PLEC: variants seen among roughly 807,000 people sequenced by gnomAD.
PLEC encodes the protein hemidesmosomal protein 1.
Under a neutral mutation model 392.8 loss-of-function variants are expected in PLEC, and 216 were observed. The observed-to-expected ratio is 0.55, with a 90% CI of 0.49 to 0.62. The LOEUF (loss-of-function observed/expected upper bound fraction) is 0.62, where lower values mean the gene tolerates loss of function less well. Among genes scored for constraint, PLEC ranks in the 20% least tolerant of loss-of-function variants. PLEC has a pLI of 0.00. For missense variants in PLEC, 6,863 were observed against 6,563.4 expected (o/e 1.05, Z -1.58); for synonymous variants, 3,621 against 2,980.6 (o/e 1.21, Z -7.00).
chr8:143,916,148 C>A lies in PLEC; in HGVS notation c.*29G>T. ...CCTCGGTGGGAGCCGGGCTGGGCCG[C>A]ATGCAGAGCGGGGTGGGCGCAGGCA... On this transcript the variant is annotated 3_prime_UTR_variant, in exon 32 of 32. Coordinates refer to ENST00000345136, the MANE Select transcript of PLEC (RefSeq NM_201384.3). 6.7e-7 allele frequency: 1 copy of A among 1,498,802 alleles called. No individual in the cohort carries two copies. The allele number at this position is 1,498,802 out of a possible 1,614,324, so 92.8% of individuals were successfully genotyped here.
At chr8:143,943,986 G>GGGGAGCGCCGGGACC (rs1831006880), upstream of PLEC, 1 of 1,531,874 alleles carries the variant, frequency 6.5e-7, no homozygotes, top group Non-Finnish European at 8.8e-7. Flanking sequence ...GGCGAGCGAG[G>GGGGAGCGCCGGGACC]GGGAGCGCCG....
chr8:143,937,595 G>A, intron 3 of PLEC: 1 of 507,706 alleles, frequency 2.0e-6, no homozygotes, highest in South Asian at 1.7e-5. Context: ...GCCAGCTCTG[G>A]GCAGCACGGT....
Position 143,918,872 on chromosome 8 carries a change from T to G in PLEC, c.10949A>C (p.Glu3650Ala). 6.2e-7 allele frequency: 1 copy of G among 1,612,856 alleles called. No individual in the cohort carries two copies. Among genetic ancestry groups the G allele is most frequent in the Non-Finnish European group, 8.5e-7 (1 of 1,180,032 alleles). ...YDYVRRRLTA[E>A]DLFEARIISL... ...GATGATCCGAGCCTCGAACAGGTCC[T>G]CAGCCGTGAGGCGGCGGCGCACGTA... Residue 3650 changes from glutamate (E) to alanine (A), a missense_variant, in exon 32 of 32, where the codon GAG (glutamate) becomes GCG (alanine). Physicochemically the swap from Glu to Ala is moderately radical, Grantham distance 107. Transcript: ENST00000345136.
intron 1 of PLEC, among the ~76,000 whole-genome samples, chr8:143,968,133 G>A (rs1587417464): frequency 2.1e-5 from 3 of 146,226 alleles, no homozygotes; most frequent in African/African-American, 5.2e-5. Flanking sequence ...GCGAGACTTC[G>A]TCTCAAAAAA....
chr8:143,946,521 A>G (rs986001624), intron 1 of PLEC: 5 of 585,810 alleles, frequency 8.5e-6, no homozygotes, highest in East Asian at 7.4e-5. Context: ...CCTCGCAGCC[A>G]CCCCTTAGTC....
At position 143,916,323 on chromosome 8, in the gene PLEC, C is replaced by T. The variant is rs567240737; in HGVS notation, c.13498G>A (p.Gly4500Ser). Reference sequence around the variant, plus strand: ...GCGTCAAAGCTGCCGCGGCGGGAGCCGGCCCGGGAGCCGGTGCGCGAGCCG... The same window carrying T: ...GCGTCAAAGCTGCCGCGGCGGGAGCTGGCCCGGGAGCCGGTGCGCGAGCCG... ...RTGSRTGSRA[G>S]SRRGSFDATG... Residue 4500 changes from glycine to serine, a missense_variant, in exon 32 of 32, where the codon GGC (glycine) becomes AGC (serine). Gly to Ser is a moderately conservative substitution (Grantham distance 56). Transcript: ENST00000345136. 27 of 1,586,906 alleles carry T rather than the reference C, an allele frequency of 1.7e-5. No homozygotes were observed. In the East Asian group the frequency reaches 2.8e-4, roughly 16 times the overall value.
upstream of PLEC, among the ~76,000 whole-genome samples, chr8:143,952,361 C>T (rs1369974633): frequency 3.9e-5 from 6 of 152,166 alleles, 1 homozygote; most frequent in Admixed American, 2.6e-4. Context: ...CAGCCCCAGG[C>T]AGGAAAAGGC....
chr8:143,949,879 C>T (rs1319843886), intron 1 of PLEC, among the ~76,000 whole-genome samples: 1 of 152,088 alleles, frequency 6.6e-6, no homozygotes, highest in Non-Finnish European at 1.5e-5. Context: ...GGAGAGGAGG[C>T]GGAGGGGGCG....
At position 143,921,300 on chromosome 8, in the gene PLEC, G is replaced by A. The variant is rs539060494; in HGVS notation, c.8521C>T (p.Arg2841Cys). 3.3e-5 allele frequency: 54 copies of A among 1,614,002 alleles called. No homozygotes were observed. Among genetic ancestry groups the A allele is most frequent in the East Asian group, 1.6e-4 (7 of 44,888 alleles). The change falls in exon 32 of 32, where the codon CGC becomes TGC. Residue 2841 changes from arginine to cysteine, a missense_variant. Transcript: ENST00000345136. ...TCGTCGCTGGGGTCCGCCAGGACGCGGTTCATCTCCTCGTCGAAGTAGCCG... is the reference window on the plus strand; with the variant it reads ...TCGTCGCTGGGGTCCGCCAGGACGCAGTTCATCTCCTCGTCGAAGTAGCCG... ...RRGYFDEEMNRVLADPSDDTK... is the reference protein window; with the variant it reads ...RRGYFDEEMNCVLADPSDDTK...
At chr8:143,973,535 C>G (rs1352998137), upstream of PLEC, 14 of 1,165,982 alleles carry the variant, frequency 1.2e-5, no homozygotes, top group Non-Finnish European at 1.5e-5. This position sits in a 1 kb window ranked among gnomAD's most constrained non-coding sequence, Gnocchi z 5.6. Context: ...ACTCTGTCCC[C>G]GCGGCCGCGC....
At chr8:143,967,388 A>G (rs1833163071) in intron 1 of PLEC, among the ~76,000 whole-genome samples, 1 of 145,118 alleles carries the variant, frequency 6.9e-6, no homozygotes, top group African/African-American at 2.5e-5. Flanking sequence ...AAAAAAAAAA[A>G]AGAAACAGAC....
rs782331452 is a variant in PLEC at position 143,924,664 on chromosome 8, G to A, written c.5265C>T (p.Ala1755=). 1.4e-5 allele frequency: 21 copies of A among 1,535,640 alleles called. No individual in the cohort carries two copies. The East Asian group carries it at 2.0e-4, about 14-fold the overall frequency. ...TCTCGGCCCGCACCTTGGCCAGCTC[G>A]GCTTCCAGCTCCTGCCGTTTCTGCG... ...AATQKRQELE[A]ELAKVRAEME... The change falls in exon 31 of 32, where the codon GCC becomes GCT. Residue 1755 remains alanine (A), a synonymous_variant. Coordinates refer to ENST00000345136, the MANE Select transcript of PLEC (RefSeq NM_201384.3).
intron 1 of PLEC, among the ~76,000 whole-genome samples, chr8:143,965,409 C>T (rs1314145804): frequency 4.1e-5 from 3 of 73,118 alleles, no homozygotes; most frequent in East Asian, 2.5e-4. Context: ...CGTCTGAACG[C>T]GTGTTCCCAA....
rs1554709668 is a variant in PLEC, at chr8:143,928,511, ACAGCGGG to A, written c.3261-526_3261-520del. Among the ~76,000 whole-genome samples, 54 of 109,582 alleles carry A rather than the reference ACAGCGGG, an allele frequency of 4.9e-4. 11 individuals are homozygous for A. The highest frequency in any genetic ancestry group is 1.6e-3 in the African/African-American group (44 of 26,984). The allele number at this position is 109,582 out of a possible 152,430, so 71.9% of individuals were successfully genotyped here. ...ACTGTGCTGGTTCTGTGAGGAGTAGACAGCGGGTGGACCTGTGGTTTGCAACACAGGA... is the reference window on the plus strand; with the variant it reads ...ACTGTGCTGGTTCTGTGAGGAGTAGATGGACCTGTGGTTTGCAACACAGGA... On this transcript the variant is annotated intron_variant, in intron 25 of 31. Transcript: ENST00000345136.
At chr8:143,928,628 C>T (rs1017388285) in intron 25 of PLEC, among the ~76,000 whole-genome samples, 5 of 125,528 alleles carry the variant, frequency 4.0e-5, no homozygotes, top group East Asian at 2.0e-4. Flanking sequence ...GAAGAGGCGG[C>T]GGCCCTATCA....
exon 1 of PLEC, chr8:143,950,637 C>T (rs781867263): frequency 1.0e-5 from 16 of 1,595,438 alleles, no homozygotes; most frequent in Middle Eastern, 1.7e-4. Flanking sequence ...GCCACCATCA[C>T]GCCCTCGCGG....
In PLEC at chr8:143,917,164, C is replaced by G. The variant is rs1554671259; in HGVS notation, c.12657G>C (p.Leu4219=). The G allele has an allele frequency of 6.2e-7, 1 of 1,611,332 alleles. No individual in the cohort carries two copies. The highest frequency in any genetic ancestry group is 1.7e-5 in the Admixed American group (1 of 59,970). The change falls in exon 32 of 32, where the codon CTG becomes CTC. Residue 4219 remains leucine, a synonymous_variant. Coordinates refer to ENST00000345136, the MANE Select transcript of PLEC (RefSeq NM_201384.3). The part of the protein sequence containing the change: ...IAKNLIDRSA[L]DQYRAGTLSI... The stretch of plus-strand genomic sequence containing the variant: ...AGAGCGTGCCGGCGCGGTACTGGTC[C>G]AGTGCCGAGCGGTCGATGAGGTTCT...
chr8:143,968,296 A>G (rs782421146), intron 1 of PLEC, among the ~76,000 whole-genome samples: 3 of 152,136 alleles, frequency 2.0e-5, no homozygotes, highest in Non-Finnish European at 4.4e-5. Context: ...ACGTGCTTCA[A>G]AGGACACCAC....
intron 19 of PLEC, 31 bp downstream of exon 19, chr8:143,931,503 C>G (rs1554715169): frequency 5.1e-6 from 8 of 1,561,150 alleles, no homozygotes; most frequent in Non-Finnish European, 6.9e-6. Flanking sequence ...CCAGCCCCTC[C>G]TGACACGCCC....
Sources: allele counts gnomAD v4.1 joint callset (sites outside exome capture counted in the v4.1 genomes callset), GRCh38; gene constraint gnomAD v4.1.1; non-coding constraint Gnocchi (gnomAD v3.1); transcripts MANE v1.5; gene names NCBI Gene and HGNC (gene_info 2026-07-23, HGNC 2026-07-21).